METTL15: variants seen among roughly 807,000 people sequenced by gnomAD.
The protein encoded by METTL15 is methyltransferase 15, mitochondrial 12S rRNA N4-cytidine, also known as 12S rRNA N(4)-cytidine methyltransferase METTL15.
In METTL15, 34 loss-of-function variants were observed where a neutral mutation model predicts 38.3. The ratio of observed to expected loss-of-function variants is 0.89; its 90% CI spans 0.68 to 1.18. METTL15 has a LOEUF of 1.18. METTL15 is among the 50% of genes most tolerant of loss of function. The pLI is 0.00. For missense variants in METTL15, 438 were observed against 498.4 expected, an observed-to-expected ratio of 0.88 and a Z score of 1.15; for synonymous variants, 162 against 170.9, an observed-to-expected ratio of 0.95 and a Z score of 0.41.
At chr11:28,417,158 A>G (rs1173351653) in intron 5 of METTL15, among the ~76,000 whole-genome samples, 2 of 152,178 alleles carry the variant, frequency 1.3e-5, no homozygotes, top group Non-Finnish European at 1.5e-5. Flanking sequence ...GTTATGGGAG[A>G]GAACAGGGGT....
intron 5 of METTL15, among the ~76,000 whole-genome samples, chr11:28,380,457 G>C (rs944920098): frequency 2.6e-5 from 4 of 152,076 alleles, no homozygotes; most frequent in Non-Finnish European, 4.4e-5. Context: ...TTGGAGAATT[G>C]AGTCAATTTA....
At chr11:28,258,187 A>G (rs1855049350) in intron 4 of METTL15, among the ~76,000 whole-genome samples, 1 of 152,188 alleles carries the variant, frequency 6.6e-6, no homozygotes, top group Admixed American at 6.5e-5. Flanking sequence ...CTGGATTATT[A>G]GGCAGAGACT....
intron 4 of METTL15, among the ~76,000 whole-genome samples, chr11:28,243,836 C>G (rs902790101): frequency 2.6e-5 from 4 of 152,096 alleles, no homozygotes; most frequent in African/African-American, 9.7e-5. Context: ...TTCAATAAAT[C>G]TTTGTTTTAG....
At chr11:28,369,273 A>T (rs570676086) in intron 5 of METTL15, among the ~76,000 whole-genome samples, 85 of 152,228 alleles carry the variant, frequency 5.6e-4, no homozygotes, top group African/African-American at 2.0e-3. Context: ...AGAAGAAAAA[A>T]GGATAAAGAA....
At chr11:28,519,756 G>T (rs1421677462) in intron 6 of METTL15, among the ~76,000 whole-genome samples, 1 of 151,754 alleles carries the variant, frequency 6.6e-6, no homozygotes, top group African/African-American at 2.4e-5. Flanking sequence ...ATTCTATTTT[G>T]CAGAAAGGCT....
chr11:28,335,819 A>G (rs976003398), downstream of METTL15, among the ~76,000 whole-genome samples: 6 of 152,150 alleles, frequency 3.9e-5, no homozygotes, highest in African/African-American at 1.4e-4. Flanking sequence ...CCAGCAGCTG[A>G]TGGTGCCATG....
intron 5 of METTL15, among the ~76,000 whole-genome samples, chr11:28,378,922 T>G (rs918099127): frequency 6.6e-6 from 1 of 152,026 alleles, no homozygotes; most frequent in African/African-American, 2.4e-5. Context: ...TTGGTGAGGT[T>G]TCCTCTTTGT....
intron 3 of METTL15, among the ~76,000 whole-genome samples, chr11:28,205,057 TTAA>T (rs1852266785): frequency 6.6e-6 from 1 of 151,978 alleles, no homozygotes. Flanking sequence ...CATTTCTTTG[TTAA>T]CCACAAAAAT....
At chr11:28,266,006 G>C (rs1451922472) in intron 4 of METTL15, among the ~76,000 whole-genome samples, 1 of 152,070 alleles carries the variant, frequency 6.6e-6, no homozygotes, top group South Asian at 2.1e-4. Context: ...TCCCCTTCCT[G>C]TGTCCATGTG....
rs751980435 is a variant in METTL15 at position 28,432,312 on chromosome 11, A to G, written c.*424+7948A>G. 4.6e-5 allele frequency among the ~76,000 whole-genome samples: 7 copies of G among 152,358 alleles called. No homozygotes were observed. In the South Asian group the frequency reaches 1.2e-3, roughly 27 times the overall value. ...TCTGGTAGTTCAATCAAAGTTAGGTATATCTCTTTCTTTTTAAGGAATTAA... is the reference window on the plus strand; with the variant it reads ...TCTGGTAGTTCAATCAAAGTTAGGTGTATCTCTTTCTTTTTAAGGAATTAA... On this transcript the variant is annotated intron_variant and NMD_transcript_variant, in intron 6 of 7. Transcript: ENST00000532947.
At chr11:28,268,181 A>T (rs913284609) in intron 4 of METTL15, among the ~76,000 whole-genome samples, 2 of 117,724 alleles carry the variant, frequency 1.7e-5, no homozygotes, top group Non-Finnish European at 3.3e-5. Flanking sequence ...TGGGCGACAG[A>T]GCGAGACTCC....
intron 6 of METTL15, among the ~76,000 whole-genome samples, chr11:28,513,544 G>A (rs960490171): frequency 6.6e-6 from 1 of 152,156 alleles, no homozygotes; most frequent in Non-Finnish European, 1.5e-5. Flanking sequence ...GGTGCTAGAG[G>A]AATTAAAGAC....
intron 5 of METTL15, among the ~76,000 whole-genome samples, chr11:28,392,475 T>C (rs1850519966): frequency 6.6e-6 from 1 of 152,122 alleles, no homozygotes; most frequent in African/African-American, 2.4e-5. Flanking sequence ...GCCAAGGTTA[T>C]ATAATGTGGA....
In METTL15 at chr11:28,460,015, GT is replaced by G. The variant is rs541417690; in HGVS notation, c.*424+35652del. Reference sequence around the variant, plus strand: ...TTTATGTGTTTTTGAAGTGTTTTTAGTGAACTTTGGAGATAGCAAATTTATT... The same window carrying G: ...TTTATGTGTTTTTGAAGTGTTTTTAGGAACTTTGGAGATAGCAAATTTATT... On this transcript the variant is annotated intron_variant and NMD_transcript_variant, in intron 6 of 7. Transcript: ENST00000532947. 1.9e-3 allele frequency among the ~76,000 whole-genome samples: 286 copies of G among 152,114 alleles called. 1 individual carries two copies. The highest frequency in any genetic ancestry group is 6.5e-3 in the African/African-American group (270 of 41,520).
At chr11:28,323,051 C>T (rs1396133105) in intron 6 of METTL15, among the ~76,000 whole-genome samples, 1 of 152,064 alleles carries the variant, frequency 6.6e-6, no homozygotes, top group African/African-American at 2.4e-5. Context: ...TGCACATATA[C>T]ACCTATATGT....
intron 6 of METTL15, among the ~76,000 whole-genome samples, chr11:28,434,464 T>C (rs1850963953): frequency 6.6e-6 from 1 of 152,272 alleles, no homozygotes. Flanking sequence ...AATTCTCATA[T>C]TGGTAGTCAC....
chr11:28,357,986 A>G (rs2133365946), intron 4 of METTL15, among the ~76,000 whole-genome samples: 1 of 152,218 alleles, frequency 6.6e-6, no homozygotes, highest in South Asian at 2.1e-4. Flanking sequence ...ATTATGTGGG[A>G]AAAGAGACTT....
rs138249200 is a variant in METTL15 at position 28,457,209 on chromosome 11, G to C, written c.*424+32845G>C. Reference sequence around the variant, plus strand: ...AGAAGGAATTCATGGAAAGGGTATTGCACATATGTGCAATGTAAGCCCAAC... The same window carrying C: ...AGAAGGAATTCATGGAAAGGGTATTCCACATATGTGCAATGTAAGCCCAAC... On this transcript the variant is annotated intron_variant and NMD_transcript_variant, in intron 6 of 7. Transcript: ENST00000532947. Among the ~76,000 whole-genome samples the C allele has an allele frequency of 2.9e-3, 445 of 152,322 alleles. 4 individuals are homozygous for C. The highest frequency in any genetic ancestry group is 0.01 in the African/African-American group (430 of 41,576).
At chr11:28,282,249 C>T (rs973640390) in intron 4 of METTL15, among the ~76,000 whole-genome samples, 1 of 152,166 alleles carries the variant, frequency 6.6e-6, no homozygotes, top group Non-Finnish European at 1.5e-5. Context: ...ATTTGTATTT[C>T]TGGCACGGGA....
Sources: allele counts gnomAD v4.1 joint callset (sites outside exome capture counted in the v4.1 genomes callset), GRCh38; gene constraint gnomAD v4.1.1; transcripts MANE v1.5; gene names NCBI Gene and HGNC (gene_info 2026-07-23, HGNC 2026-07-21).